DPYSL4: variants seen among roughly 807,000 people sequenced by gnomAD.
The protein encoded by DPYSL4 is dihydropyrimidinase like 4.
DPYSL4 carries 43 observed loss-of-function variants against 63.4 expected under a neutral mutation model. The ratio of observed to expected loss-of-function variants is 0.68; its 90% confidence interval spans 0.53 to 0.88. The LOEUF is 0.88. DPYSL4 is among the 40% of genes least tolerant of loss of function. The pLI, the probability that DPYSL4 is intolerant of heterozygous loss-of-function variation, is 0.00. For synonymous variants in DPYSL4, 353 were observed against 331.7 expected (o/e 1.06, Z -0.70); for missense variants, 733 against 819.5 (o/e 0.89, Z 1.29).
At chr10:132,195,074 C>G in intron 4 of DPYSL4, 65 bp downstream of exon 4, 8 of 1,531,384 alleles carry the variant, frequency 5.2e-6, no homozygotes, top group Non-Finnish European at 7.0e-6. Context: ...CTGCCCTGAC[C>G]CTGTGTTCTG....
intron 2 of DPYSL4, 85 bp from the exon 3 acceptor site, chr10:132,192,573 C>A: frequency 6.7e-7 from 1 of 1,500,458 alleles, no homozygotes; most frequent in Non-Finnish European, 8.9e-7. Flanking sequence ...CTCATGCAAA[C>A]CCTTTAGCTC....
Position 132,205,113 on chromosome 10 carries a change from C to T in DPYSL4, c.*183C>T, listed in dbSNP as rs533415090. On this transcript the variant is annotated 3_prime_UTR_variant, in exon 14 of 14. Transcript: ENST00000338492. ...TCCCAGGTCCTGCTGCCAAGAGCCC[C>T]TCAAGAGAAGGGCTGAACCTGGGGA... The T allele has an allele frequency of 2.3e-4, 107 of 465,346 alleles. No individual in the cohort carries two copies. In the South Asian group the frequency reaches 4.3e-3, roughly 19 times the overall value. 28.8% of individuals were successfully genotyped at this position (465,346 alleles called of 1,614,324 possible).
intron 6 of DPYSL4, among the ~76,000 whole-genome samples, chr10:132,198,165 G>GC (rs2061968872): frequency 6.6e-6 from 1 of 152,208 alleles, no homozygotes; most frequent in African/African-American, 2.4e-5. Context: ...CATCAGTCAG[G>GC]AGCCCTGCAG....
intron 2 of DPYSL4, among the ~76,000 whole-genome samples, chr10:132,191,659 G>A (rs370737039): frequency 1.3e-4 from 7 of 54,034 alleles, no homozygotes; most frequent in African/African-American, 3.3e-4. Flanking sequence ...CGCTGGTCAC[G>A]TGGTATCCAG....
At chr10:132,200,166 C>T (rs1027939578) in intron 8 of DPYSL4, among the ~76,000 whole-genome samples, 190 bp from the exon 9 acceptor site, 6 of 152,208 alleles carry the variant, frequency 3.9e-5, no homozygotes, top group African/African-American at 1.2e-4. Flanking sequence ...ACCCCCAGGG[C>T]CAACCACGTC....
chr10:132,196,124 T>C (rs1408547691), intron 4 of DPYSL4, among the ~76,000 whole-genome samples: 3 of 152,188 alleles, frequency 2.0e-5, no homozygotes, highest in Non-Finnish European at 2.9e-5. Flanking sequence ...CTTGTCACAC[T>C]AGCACTTTCC....
At position 132,200,884 on chromosome 10, in the gene DPYSL4, C is replaced by T. The variant is rs567922744; in HGVS notation, c.1011C>T (p.Thr337=). The T allele has an allele frequency of 8.1e-6, 13 of 1,613,152 alleles. No individual in the cohort carries two copies. The highest frequency in any genetic ancestry group is 1.7e-5 in the Admixed American group (1 of 60,008). The change falls in exon 10 of 14, where the codon ACC becomes ACT. Residue 337 remains threonine (T), a synonymous_variant. Transcript: ENST00000338492. The stretch of plus-strand genomic sequence containing the variant: ...CAGGCAGCGCCCACTGCACCTTCAC[C>T]ACTGCCCAGAAGGCTGTGGGCAAGG... ...QVTGSAHCTF[T]TAQKAVGKDN... is the part of the protein sequence containing the mutation.
At position 132,205,137 on chromosome 10, in the gene DPYSL4, G is replaced by A. The variant is rs2062079919; in HGVS notation, c.*207G>A. 9.5e-6 allele frequency: 4 copies of A among 419,994 alleles called. No individual in the cohort carries two copies. Among genetic ancestry groups the A allele is most frequent in the South Asian group, 6.4e-5 (1 of 15,618 alleles). The allele number at this position is 419,994 out of a possible 1,614,324, so 26.0% of individuals were successfully genotyped here. ...CCTCAAGAGAAGGGCTGAACCTGGG[G>A]AGATGTCACTGCCAGGGTGAGGTGG... On this transcript the variant is annotated 3_prime_UTR_variant, in exon 14 of 14. Transcript: ENST00000338492.
Position 132,187,044 on chromosome 10 carries a change from C to A in DPYSL4, c.-20C>A. The A allele has an allele frequency of 7.3e-7, 1 of 1,368,276 alleles. No individual in the cohort carries two copies. Among genetic ancestry groups the A allele is most frequent in the Non-Finnish European group, 9.7e-7 (1 of 1,033,050 alleles). 84.8% of individuals were successfully genotyped at this position (1,368,276 alleles called of 1,614,324 possible). A position where few individuals can be genotyped will look rare whatever the true frequency, so the allele number is the denominator to read the frequency against. On this transcript the variant is annotated 5_prime_UTR_variant, in exon 1 of 14. Transcript: ENST00000338492. Reference sequence around the variant, plus strand: ...CCGCCCCCGCTTGTGCCGCCCCTACCAGAGACCCCCAGGAGCAGGATGTCC... The same window carrying A: ...CCGCCCCCGCTTGTGCCGCCCCTACAAGAGACCCCCAGGAGCAGGATGTCC...
Position 132,200,921 on chromosome 10 carries a change from C to T in DPYSL4, c.1048C>T (p.Leu350=), listed in dbSNP as rs774072156. The T allele has an allele frequency of 6.2e-7, 1 of 1,613,296 alleles. No individual in the cohort carries two copies. Among genetic ancestry groups the T allele is most frequent in the East Asian group, 2.2e-5 (1 of 44,886 alleles). Residue 350 remains leucine, a synonymous_variant, in exon 10 of 14, where the codon CTG becomes TTG. Coordinates refer to ENST00000338492, the MANE Select transcript of DPYSL4 (RefSeq NM_006426.3). The part of the protein sequence containing the change: ...QKAVGKDNFA[L]IPEGTNGIEE... ...GGCTGTGGGCAAGGACAACTTCGCG[C>T]TGATCCCCGAGGGCACCAACGGCAT... is the stretch of plus-strand genomic sequence containing the variant.
intron 2 of DPYSL4, 101 bp downstream of exon 2, chr10:132,190,936 C>A: frequency 8.6e-7 from 1 of 1,166,278 alleles, no homozygotes; most frequent in Non-Finnish European, 1.2e-6. Flanking sequence ...CTCGTGTGTA[C>A]ACGCTGGTCA....
rs1439477073 is a variant in DPYSL4 at position 132,192,278 on chromosome 10, C to T, written c.129-380C>T. ...CCAGCTTCCACGTTTCTTTGTTCAT[C>T]GCAGCACTTAGTATGGTGCCTGGCT... On this transcript the variant is annotated intron_variant, in intron 2 of 13. Transcript: ENST00000338492. The T allele has an allele frequency of 9.2e-6, 9 of 981,662 alleles. 1 individual carries two copies. In the South Asian group the frequency reaches 1.9e-4, roughly 21 times the overall value. The allele number at this position is 981,662 out of a possible 1,614,324, so 60.8% of individuals were successfully genotyped here. A position where few individuals can be genotyped will look rare whatever the true frequency, so the allele number is the denominator to read the frequency against.
chr10:132,203,510 C>G lies in DPYSL4; in HGVS notation c.1462-252C>G, dbSNP rs2062049586. ...AAGACTGAGGGGAGGGACGTTTGCA[C>G]ACACATGCAGATGGGACCGCAGGCG... On this transcript the variant is annotated intron_variant, in intron 12 of 13. Transcript: ENST00000338492. The G allele has an allele frequency of 9.5e-6, 5 of 525,616 alleles. No homozygotes were observed. In the South Asian group the frequency reaches 1.5e-4, roughly 16 times the overall value. 32.6% of individuals were successfully genotyped at this position (525,616 alleles called of 1,614,324 possible). A position where few individuals can be genotyped will look rare whatever the true frequency, so the allele number is the denominator to read the frequency against.
At chr10:132,202,333 G>A (rs542678269) in intron 11 of DPYSL4, among the ~76,000 whole-genome samples, 1 of 152,378 alleles carries the variant, frequency 6.6e-6, no homozygotes, top group East Asian at 1.9e-4. Flanking sequence ...GTCCCCTTGT[G>A]CCATGGAGGA....
At chr10:132,188,115 A>G (rs1018713323) in intron 1 of DPYSL4, among the ~76,000 whole-genome samples, 2 of 151,852 alleles carry the variant, frequency 1.3e-5, no homozygotes, top group Non-Finnish European at 2.9e-5. Flanking sequence ...TTGATGCAGG[A>G]GGTCTTGCCA....
intron 2 of DPYSL4, among the ~76,000 whole-genome samples, chr10:132,191,859 G>T (rs537859711): frequency 1.6e-5 from 2 of 125,532 alleles, no homozygotes; most frequent in African/African-American, 6.2e-5. Context: ...TTCCCAGCTC[G>T]TGTGTACACG....
Position 132,204,996 on chromosome 10 carries a change from C to T in DPYSL4, c.*66C>T, listed in dbSNP as rs1260064117. 25 of 1,294,262 alleles carry T rather than the reference C, an allele frequency of 1.9e-5. No individual in the cohort carries two copies. Among genetic ancestry groups the T allele is most frequent in the African/African-American group, 3.0e-5 (2 of 66,784 alleles). The allele number at this position is 1,294,262 out of a possible 1,614,324, so 80.2% of individuals were successfully genotyped here. A position where few individuals can be genotyped will look rare whatever the true frequency, so the allele number is the denominator to read the frequency against. Reference sequence around the variant, plus strand: ...GAGGCCGCGGGGGCCCCAGGGCACTCGCCCCCCTCCTTAGCATTTTCTTTT... The same window carrying T: ...GAGGCCGCGGGGGCCCCAGGGCACTTGCCCCCCTCCTTAGCATTTTCTTTT... On this transcript the variant is annotated 3_prime_UTR_variant, in exon 14 of 14. Transcript: ENST00000338492.
At chr10:132,192,456 C>A (rs2061890802) in intron 2 of DPYSL4, 2 of 1,284,556 alleles carry the variant, frequency 1.6e-6, no homozygotes, top group African/African-American at 3.1e-5. Context: ...CTGGACCCTG[C>A]AGTGACCGTC....
chr10:132,198,579 T>G (rs2061973444), intron 7 of DPYSL4, 96 bp downstream of exon 7: 8 of 1,297,422 alleles, frequency 6.2e-6, no homozygotes, highest in Non-Finnish European at 8.5e-6. Context: ...CTCCTGGCCC[T>G]GCCACTGTGC....
Sources: gnomAD v4.1 joint callset for allele counts (sites outside exome capture counted in the v4.1 genomes callset) on GRCh38, gnomAD v4.1.1 for gene constraint, MANE v1.5 for transcripts, NCBI Gene and HGNC (gene_info 2026-07-23, HGNC 2026-07-21) for gene names.